Variants in PURG observed in about 807,000 individuals in gnomAD.
PURG encodes purine rich element binding protein G.
PURG carries 3 observed loss-of-function variants against 24.3 expected under a neutral mutation model. That is an observed-to-expected ratio of 0.12 (90% CI 0.06 to 0.32). The LOEUF (loss-of-function observed/expected upper bound fraction) is 0.32. PURG is among the 10% of genes least tolerant of loss of function. PURG has a pLI of 1.00. For synonymous variants in PURG, 180 were observed against 173.1 expected (o/e 1.04, Z -0.31); for missense variants, 371 against 439.1 (o/e 0.84, Z 1.39).
intron 1 of PURG, among the ~76,000 whole-genome samples, chr8:31,007,748 A>G (rs1479276735): frequency 6.6e-6 from 1 of 152,222 alleles, no homozygotes; most frequent in East Asian, 1.9e-4. Flanking sequence ...GAAAAACTGT[A>G]GGTACTAGGA....
chr8:31,025,870 A>C (rs952496419), downstream of PURG, among the ~76,000 whole-genome samples: 2 of 151,916 alleles, frequency 1.3e-5, no homozygotes, highest in African/African-American at 4.8e-5. Context: ...CTGTACTTGT[A>C]ACCTCACAGC....
intron 1 of PURG, among the ~76,000 whole-genome samples, chr8:31,014,653 C>A (rs1810825731): frequency 6.6e-6 from 1 of 152,158 alleles, no homozygotes; most frequent in African/African-American, 2.4e-5. Context: ...ATTATTAAAT[C>A]ATTTAGTAAA....
chr8:31,025,784 G>T (rs1811077891), intron 1 of PURG, among the ~76,000 whole-genome samples: 2 of 151,460 alleles, frequency 1.3e-5, no homozygotes, highest in Non-Finnish European at 3.0e-5. Flanking sequence ...TATGTTTATA[G>T]GACTAGTAAT....
chr8:30,996,917 C>G (rs1241517477), intron 1 of PURG, among the ~76,000 whole-genome samples: 2 of 151,628 alleles, frequency 1.3e-5, no homozygotes, highest in Admixed American at 6.6e-5. Flanking sequence ...CAGGTATATT[C>G]AGATCTCAAT....
chr8:31,002,464 T>A (rs754613245), intron 1 of PURG, among the ~76,000 whole-genome samples: 3 of 152,188 alleles, frequency 2.0e-5, no homozygotes, highest in African/African-American at 4.8e-5. Flanking sequence ...TTTGCAATGA[T>A]ACCATGTAAA....
intron 1 of PURG, among the ~76,000 whole-genome samples, chr8:31,022,057 G>T (rs943607936): frequency 6.7e-6 from 1 of 148,580 alleles, no homozygotes; most frequent in Non-Finnish European, 1.5e-5. Flanking sequence ...TGCAACCTCC[G>T]CCTCCTAGGT....
At chr8:31,018,398 C>T (rs190727004) in intron 1 of PURG, among the ~76,000 whole-genome samples, 5 of 152,328 alleles carry the variant, frequency 3.3e-5, no homozygotes, top group Non-Finnish European at 1.5e-5. Flanking sequence ...ATGCATCCCA[C>T]ATTCAGTGCG....
At chr8:31,024,457 G>A (rs183640460) in intron 1 of PURG, among the ~76,000 whole-genome samples, 1 of 152,208 alleles carries the variant, frequency 6.6e-6, no homozygotes, top group South Asian at 2.1e-4. Flanking sequence ...GCAGAATTAC[G>A]TCTTATTATT....
chr8:31,032,891 C>G lies in PURG; in HGVS notation c.-6-103G>C. ...CCGCCCCGCCGCCGCCCGCGACCCCCACGCCGGGCCCGGCTCCCCCGGCGC... is the reference window on the plus strand; with the variant it reads ...CCGCCCCGCCGCCGCCCGCGACCCCGACGCCGGGCCCGGCTCCCCCGGCGC... On this transcript the variant is annotated intron_variant, in intron 1 of 1. Transcript: ENST00000523392. The surrounding 1 kb of genome is among the most constrained non-coding windows in gnomAD (Gnocchi z 5.9). 1 of 937,076 alleles carries G rather than the reference C, an allele frequency of 1.1e-6. No individual in the cohort carries two copies. The highest frequency in any genetic ancestry group is 5.3e-5 in the South Asian group (1 of 18,808). The allele number at this position is 937,076 out of a possible 1,614,324, so 58.0% of individuals were successfully genotyped here.
chr8:31,015,159 C>CG (rs2129808112), intron 1 of PURG, among the ~76,000 whole-genome samples: 1 of 152,086 alleles, frequency 6.6e-6, no homozygotes, highest in Non-Finnish European at 1.5e-5. Flanking sequence ...GCCAGGCTTG[C>CG]GGGGGAAAGG....
chr8:31,012,568 G>T (rs1290415243), intron 1 of PURG, among the ~76,000 whole-genome samples: 1 of 152,302 alleles, frequency 6.6e-6, no homozygotes, highest in South Asian at 2.1e-4. Flanking sequence ...AAGAAAATGA[G>T]AAAAGGCCAA....
At position 31,023,668 on chromosome 8, in the gene PURG, A is replaced by C. The variant is rs139489617; in HGVS notation, c.864+8251T>G. On this transcript the variant is annotated intron_variant, in intron 1 of 1. Coordinates refer to the PURG transcript ENST00000339382. Reference sequence around the variant, plus strand: ...TTGACGTTTCTTAAGGCTAAAAAAAACCCCCAAACCATTAGATGTTTAATC... The same window carrying C: ...TTGACGTTTCTTAAGGCTAAAAAAACCCCCCAAACCATTAGATGTTTAATC... 4.4e-3 allele frequency among the ~76,000 whole-genome samples: 669 copies of C among 152,178 alleles called. 2 individuals are homozygous for C. The highest frequency in any genetic ancestry group is 0.015 in the African/African-American group (636 of 41,542).
intron 1 of PURG, among the ~76,000 whole-genome samples, chr8:31,013,196 G>C (rs1810796315): frequency 6.6e-6 from 1 of 152,172 alleles, no homozygotes. Flanking sequence ...TTGAAAAAGT[G>C]AGTCAAACAA....
At chr8:31,020,418 T>C (rs1438755654) in intron 1 of PURG, among the ~76,000 whole-genome samples, 1 of 152,226 alleles carries the variant, frequency 6.6e-6, no homozygotes, top group East Asian at 1.9e-4. Flanking sequence ...ATTAAACTTG[T>C]ATTAATAATT....
downstream of PURG, among the ~76,000 whole-genome samples, chr8:31,028,807 T>C (rs1200154721): frequency 2.6e-5 from 4 of 151,898 alleles, no homozygotes; most frequent in African/African-American, 9.7e-5. Flanking sequence ...TACTATTAGC[T>C]TATATTACTA....
chr8:31,023,780 A>T (rs890671063), intron 1 of PURG, among the ~76,000 whole-genome samples: 2 of 152,130 alleles, frequency 1.3e-5, no homozygotes, highest in African/African-American at 4.8e-5. Context: ...TTTGTCAGAC[A>T]TCATTATTTC....
chr8:31,030,140 T>A (rs376227052), downstream of PURG, among the ~76,000 whole-genome samples: 163 of 152,118 alleles, frequency 1.1e-3, no homozygotes, highest in African/African-American at 3.9e-3. Context: ...CGTAAAGGTA[T>A]TGGGGGACAA....
chr8:31,027,112 C>T (rs1391761047), downstream of PURG, among the ~76,000 whole-genome samples: 1 of 151,640 alleles, frequency 6.6e-6, no homozygotes, highest in East Asian at 1.9e-4. Context: ...ATGGGCTAGC[C>T]ATTAGCCACC....
At chr8:31,011,961 T>A (rs1353314095) in intron 1 of PURG, among the ~76,000 whole-genome samples, 1 of 152,170 alleles carries the variant, frequency 6.6e-6, no homozygotes, top group Non-Finnish European at 1.5e-5. Context: ...GACATAGCAT[T>A]TTTGGTTAGG....
Sources: gnomAD v4.1 joint callset for allele counts (sites outside exome capture counted in the v4.1 genomes callset) on GRCh38, gnomAD v4.1.1 for gene constraint, Gnocchi (gnomAD v3.1) non-coding constraint, MANE v1.5 for transcripts, NCBI Gene and HGNC (gene_info 2026-07-23, HGNC 2026-07-21) for gene names.